CEP350: variants seen among roughly 807,000 people sequenced by gnomAD.
The protein encoded by CEP350 is centrosome-associated protein 350.
Under a neutral mutation model 331.8 loss-of-function variants are expected in CEP350, and 126 were observed. That is an observed-to-expected ratio of 0.38 (90% CI 0.33 to 0.44). CEP350 has a LOEUF of 0.44. Among genes scored for constraint, CEP350 ranks in the 20% least tolerant of loss-of-function variants. The pLI is 1.00. For synonymous variants in CEP350, 1,200 were observed against 1,259.5 expected, an observed-to-expected ratio of 0.95 and a Z score of 1.00; for missense variants, 3,406 against 3,634.6, an observed-to-expected ratio of 0.94 and a Z score of 1.62.
At position 180,053,000 on chromosome 1, in the gene CEP350, T is replaced by G. The variant is rs758228655; in HGVS notation, c.4823T>G (p.Leu1608Arg). 1 of 1,435,270 alleles carries G rather than the reference T, an allele frequency of 7.0e-7. No homozygotes were observed. The highest frequency in any genetic ancestry group is 1.2e-5 in the South Asian group (1 of 83,100). The allele number at this position is 1,435,270 out of a possible 1,614,324, so 88.9% of individuals were successfully genotyped here. A position where few individuals can be genotyped will look rare whatever the true frequency, so the allele number is the denominator to read the frequency against. The change falls in exon 23 of 38, where the codon CTG (leucine) becomes CGG (arginine). Residue 1608 changes from leucine to arginine, a missense_variant. Physicochemically the swap from Leu to Arg is moderately radical, Grantham distance 102 (BLOSUM62 -2). Around this residue, in one of 5 missense-constraint regions of CEP350, gnomAD observed 1,857 missense variants for 1,909.2 expected, o/e 0.97. Transcript: ENST00000367607. Reference sequence around the variant, plus strand: ...ACGTCTATTGCAACAGAATATTCTCTGAAATTTGATGAATCCATGACAGAA... The same window carrying G: ...ACGTCTATTGCAACAGAATATTCTCGGAAATTTGATGAATCCATGACAGAA... ...DSTSIATEYS[L>R]KFDESMTEDE...
intron 17 of CEP350, among the ~76,000 whole-genome samples, chr1:180,040,029 T>A (rs895819016): frequency 1.3e-5 from 2 of 149,092 alleles, no homozygotes; most frequent in Admixed American, 6.7e-5. Flanking sequence ...GATGCTAAAA[T>A]TTTTTTTTTT....
rs1656194311 is a variant in CEP350, at chr1:180,034,091, A to T, written c.3946+9A>T. The stretch of plus-strand genomic sequence containing the variant: ...CATGGCTCCAATACCAGGTAAGTAG[A>T]TTCATGCAATTGTAATTTTTAGAAT... On this transcript the variant is annotated intron_variant, in intron 16 of 37. Coordinates refer to ENST00000367607, the MANE Select transcript of CEP350 (RefSeq NM_014810.5). 6.2e-7 allele frequency: 1 copy of T among 1,604,528 alleles called. No homozygotes were observed. The highest frequency in any genetic ancestry group is 8.5e-7 in the Non-Finnish European group (1 of 1,175,268).
Position 180,024,485 on chromosome 1 carries a change from TGTTACCTCCCA to T in CEP350, c.3455_3465del (p.Val1152AlafsTer18). On this transcript the variant is annotated frameshift_variant, in exon 14 of 38. Transcript: ENST00000367607. LOFTEE classifies it high-confidence loss of function. The stretch of plus-strand genomic sequence containing the variant: ...CTGCCTATGATCCTTCCTCTGTGGA[TGTTACCTCCCA>T]GCATTCATCAGGAGCCCAGTCTGCT... 1 of 1,613,414 alleles carries T rather than the reference TGTTACCTCCCA, an allele frequency of 6.2e-7. No individual in the cohort carries two copies. The highest frequency in any genetic ancestry group is 8.5e-7 in the Non-Finnish European group (1 of 1,179,620).
chr1:180,101,345 G>A (rs1228507171), intron 37 of CEP350, among the ~76,000 whole-genome samples: 1 of 151,876 alleles, frequency 6.6e-6, no homozygotes, highest in Non-Finnish European at 1.5e-5. Context: ...AACAAGAAAT[G>A]CTAAATGAAC....
chr1:180,064,899 T>C (rs1396511952), intron 26 of CEP350, among the ~76,000 whole-genome samples: 1 of 152,198 alleles, frequency 6.6e-6, no homozygotes, highest in African/African-American at 2.4e-5. Context: ...TCTCTTTTTC[T>C]CTCTATATAT....
At chr1:180,074,508 C>T (rs1409721059) in intron 27 of CEP350, among the ~76,000 whole-genome samples, 2 of 152,104 alleles carry the variant, frequency 1.3e-5, no homozygotes, top group African/African-American at 4.8e-5. Flanking sequence ...AGACCTGAAA[C>T]AAAGCCAGGC....
chr1:180,024,540 A>C lies in CEP350; in HGVS notation c.3508A>C (p.Thr1170Pro), dbSNP rs1262113400. ...AQSAASSRSS[T>P]SSKGKKGKKE... ...GTCTGCTGCATCGTCTCGTTCATCT[A>C]CTTCTTCTAAAGGAAAGAAAGGAAA... Residue 1170 changes from threonine to proline, a missense_variant, in exon 14 of 38, where the codon ACT (threonine) becomes CCT (proline). Coordinates refer to ENST00000367607, the MANE Select transcript of CEP350 (RefSeq NM_014810.5). 6.2e-7 allele frequency: 1 copy of C among 1,613,002 alleles called. No individual in the cohort carries two copies.
At chr1:180,108,129 A>G (rs1236794835) in intron 37 of CEP350, among the ~76,000 whole-genome samples, 1 of 152,226 alleles carries the variant, frequency 6.6e-6, no homozygotes, top group Non-Finnish European at 1.5e-5. Context: ...TGACTGACAG[A>G]GAAATAGTTC....
chr1:180,088,617 G>A, intron 32 of CEP350, among the ~76,000 whole-genome samples: 1 of 152,138 alleles, frequency 6.6e-6, no homozygotes, highest in African/African-American at 2.4e-5. Flanking sequence ...GGACATTTTT[G>A]TTAGAGAGGT....
intron 30 of CEP350, among the ~76,000 whole-genome samples, chr1:180,082,681 G>C (rs895525029): frequency 1.3e-5 from 2 of 151,978 alleles, no homozygotes; most frequent in African/African-American, 4.8e-5. Flanking sequence ...AAAAACCCCA[G>C]GTTTTTCATC....
chr1:180,074,538 A>G (rs1350597604), intron 27 of CEP350, among the ~76,000 whole-genome samples: 1 of 152,178 alleles, frequency 6.6e-6, no homozygotes, highest in African/African-American at 2.4e-5. Context: ...AAATAAAAGT[A>G]AAAAAGGGAC....
intron 21 of CEP350, among the ~76,000 whole-genome samples, chr1:180,047,770 A>AG (rs1657226284): frequency 1.4e-5 from 2 of 143,994 alleles, no homozygotes; most frequent in African/African-American, 4.9e-5. Flanking sequence ...AAAAAAAAAA[A>AG]AAAAAAAAGA....
chr1:180,041,705 A>G lies in CEP350; in HGVS notation c.4265A>G (p.Glu1422Gly). 2 of 1,613,722 alleles carry G rather than the reference A, an allele frequency of 1.2e-6. No individual in the cohort carries two copies. Among genetic ancestry groups the G allele is most frequent in the Non-Finnish European group, 1.7e-6 (2 of 1,179,748 alleles). ...CAGCAGGTGGTTCAATCACAACGGGAAGTAACTGAAGTCCTGCAGGAAGCA... is the reference window on the plus strand; with the variant it reads ...CAGCAGGTGGTTCAATCACAACGGGGAGTAACTGAAGTCCTGCAGGAAGCA... ...SLQQVVQSQR[E>G]VTEVLQEATC... is the part of the protein sequence containing the mutation. Residue 1422 changes from glutamate (E) to glycine (G), a missense_variant, in exon 19 of 38, where the codon GAA becomes GGA. Coordinates refer to ENST00000367607, the MANE Select transcript of CEP350 (RefSeq NM_014810.5).
Position 179,954,829 on chromosome 1 carries a change from C to T in CEP350, c.-327C>T. On this transcript the variant is annotated 5_prime_UTR_variant, in exon 1 of 38. Coordinates refer to ENST00000367607, the MANE Select transcript of CEP350 (RefSeq NM_014810.5). ...CGTGTCAGTTGTTGGGCTGTAATGG[C>T]GACTGGGCCGCCCCTGACGAAGTGA... 2 of 428,290 alleles carry T rather than the reference C, an allele frequency of 4.7e-6. No individual in the cohort carries two copies. Among genetic ancestry groups the T allele is most frequent in the Non-Finnish European group, 4.1e-6 (1 of 242,786 alleles). 26.5% of individuals were successfully genotyped at this position (428,290 alleles called of 1,614,324 possible). A position where few individuals can be genotyped will look rare whatever the true frequency, so the allele number is the denominator to read the frequency against.
At position 180,065,115 on chromosome 1, in the gene CEP350, G is replaced by T. The variant is rs1394223589; in HGVS notation, c.5410G>T (p.Asp1804Tyr). Reference sequence around the variant, plus strand: ...CAATTTTGCCTCTTTTTGTTTGCAGGACTCTCATAGTGATGATGATACAAA... The same window carrying T: ...CAATTTTGCCTCTTTTTGTTTGCAGTACTCTCATAGTGATGATGATACAAA... ...KLKSAGESKLDSHSDDDTKDN... is the reference protein window; with the variant it reads ...KLKSAGESKLYSHSDDDTKDN... Residue 1804 changes from aspartate to tyrosine, a missense_variant and splice_region_variant, in exon 27 of 38, where the codon GAC becomes TAC. Physicochemically the swap from Asp to Tyr is radical, Grantham distance 160 (BLOSUM62 -3). This residue lies in a region of CEP350 where 1,415 missense variants were observed against 1,512.3 expected (regional missense o/e 0.94). Transcript: ENST00000367607. 4 of 1,585,614 alleles carry T rather than the reference G, an allele frequency of 2.5e-6. No homozygotes were observed. The African/African-American group carries it at 5.5e-5, about 22-fold the overall frequency.
chr1:180,086,375 G>T (rs1659860228), intron 31 of CEP350, among the ~76,000 whole-genome samples: 1 of 152,118 alleles, frequency 6.6e-6, no homozygotes, highest in Admixed American at 6.6e-5. Context: ...CTATTAGAAT[G>T]AATAGTATTG....
intron 7 of CEP350, among the ~76,000 whole-genome samples, chr1:180,005,241 G>A (rs906438619): frequency 2.0e-5 from 3 of 151,844 alleles, no homozygotes; most frequent in Non-Finnish European, 1.5e-5. Flanking sequence ...CCCTTTGGAT[G>A]TATAATAGAT....
At chr1:179,982,471 A>G (rs1652347779) in intron 1 of CEP350, among the ~76,000 whole-genome samples, 1 of 152,158 alleles carries the variant, frequency 6.6e-6, no homozygotes, top group African/African-American at 2.4e-5. Flanking sequence ...ATTAAAGATG[A>G]TTGCCCATTA....
At chr1:180,010,152 A>G (rs529770512) in intron 8 of CEP350, among the ~76,000 whole-genome samples, 33 of 152,130 alleles carry the variant, frequency 2.2e-4, no homozygotes, top group Non-Finnish European at 4.3e-4. Context: ...ATCTTTTCAC[A>G]GGAACATTTC....
Sources: gnomAD v4.1 joint callset for allele counts (sites outside exome capture counted in the v4.1 genomes callset) on GRCh38, gnomAD v4.1.1 for gene constraint, gnomAD v4.1.1 regional missense constraint, MANE v1.5 for transcripts, NCBI Gene and HGNC (gene_info 2026-07-23, HGNC 2026-07-21) for gene names.